The following ZNF563 variants were observed in gnomAD, a reference collection of about 807,000 sequenced individuals.
The protein encoded by ZNF563 is zinc finger protein 563.
In ZNF563, 39 loss-of-function variants were observed where a neutral mutation model predicts 48.5. That is an observed-to-expected ratio of 0.80 (90% CI 0.62 to 1.05). The LOEUF (loss-of-function observed/expected upper bound fraction) is 1.05, where lower values mean the gene tolerates loss of function less well. Ranked by LOEUF, ZNF563 falls within the 50% of genes least tolerant of loss-of-function variation. ZNF563 has a pLI of 0.00. For missense variants in ZNF563, 538 were observed against 597.0 expected (o/e 0.90, Z 1.03); for synonymous variants, 168 against 187.9 (o/e 0.89, Z 0.87).
Position 12,318,773 on chromosome 19 carries a change from C to T in ZNF563, c.1252G>A (p.Glu418Lys). 6.2e-7 allele frequency: 1 copy of T among 1,614,212 alleles called. No individual in the cohort carries two copies. The highest frequency in any genetic ancestry group is 1.3e-5 in the African/African-American group (1 of 75,062). ...CACTGCTTGCATTCATAGGGTTTCT[C>T]TCCACTGTGAGACTTTTCGTGTCTT... ...CQRHEKSHSG[E>K]KPYECKQCGK... The change falls in exon 4 of 4, where the codon GAG becomes AAG. Residue 418 changes from glutamate to lysine, a missense_variant. By Grantham distance (56) the Glu-to-Lys change is moderately conservative. Transcript: ENST00000293725.
In ZNF563 at chr19:12,319,221, A is replaced by G. The variant is rs772844881; in HGVS notation, c.804T>C (p.Tyr268=). ...CAGTGTGAGTTCTTTCATGTCTTATATAGGAACTGGAATCAGGCAAGGCTT... is the reference window on the plus strand; with the variant it reads ...CAGTGTGAGTTCTTTCATGTCTTATGTAGGAACTGGAATCAGGCAAGGCTT... The part of the protein sequence containing the change: ...CSKALPDSSS[Y]IRHERTHTGE... The change falls in exon 4 of 4, where the codon TAT becomes TAC. Residue 268 remains tyrosine (Y), a synonymous_variant. Transcript: ENST00000293725. 6.8e-6 allele frequency: 11 copies of G among 1,613,848 alleles called. No homozygotes were observed. Among genetic ancestry groups the G allele is most frequent in the Non-Finnish European group, 8.5e-6 (10 of 1,179,960 alleles).
At chr19:12,345,602 C>G in the ZNF563 span, among the ~76,000 whole-genome samples, 7,235 of 152,186 alleles carry the variant, frequency 0.048, 565 homozygotes, top group African/African-American at 0.17. Flanking sequence ...AAGACCTATA[C>G]TTAAAAGCTA....
upstream of ZNF563, among the ~76,000 whole-genome samples, chr19:12,338,355 CTTGTGCCTCAG>C (rs375942303): frequency 3.4e-3 from 518 of 152,304 alleles, 1 homozygote; most frequent in African/African-American, 0.011. Context: ...TCAAGTGATT[CTTGTGCCTCAG>C]CCTCCTGAGT....
chr19:12,340,838 A>T, the ZNF563 span, among the ~76,000 whole-genome samples: 1 of 152,186 alleles, frequency 6.6e-6, no homozygotes, highest in Non-Finnish European at 1.5e-5. Context: ...AAAGTGAGAA[A>T]AAAATTAAGA....
chr19:12,339,151 A>G, the ZNF563 span, among the ~76,000 whole-genome samples: 3 of 151,952 alleles, frequency 2.0e-5, no homozygotes, highest in Non-Finnish European at 4.4e-5. Flanking sequence ...AGGACACTTC[A>G]TTCTGGTGAA....
At chr19:12,343,094 G>A in the ZNF563 span, among the ~76,000 whole-genome samples, 6 of 152,026 alleles carry the variant, frequency 3.9e-5, no homozygotes, top group African/African-American at 1.4e-4. Flanking sequence ...CTACTTGAGA[G>A]GCTGAGGCAG....
At chr19:12,342,082 G>T in the ZNF563 span, among the ~76,000 whole-genome samples, 5 of 152,316 alleles carry the variant, frequency 3.3e-5, no homozygotes, top group South Asian at 1.0e-3. Flanking sequence ...CATGACCACA[G>T]TTCACTGCAG....
rs1217000029 is a variant in ZNF563 at position 12,318,579 on chromosome 19, T to C, written c.*15A>G. 1 of 1,603,846 alleles carries C rather than the reference T, an allele frequency of 6.2e-7. No individual in the cohort carries two copies. The highest frequency in any genetic ancestry group is 1.3e-5 in the African/African-American group (1 of 74,498). On this transcript the variant is annotated 3_prime_UTR_variant, in exon 4 of 4. Transcript: ENST00000293725. ...AGGGAACTGGAAATATAGAAGGCTT[T>C]ATAATAGTTTACATTCATATTGTTT...
chr19:12,320,400 T>C (rs1016290580), intron 3 of ZNF563, among the ~76,000 whole-genome samples: 1 of 152,064 alleles, frequency 6.6e-6, no homozygotes, highest in Admixed American at 6.6e-5. Flanking sequence ...TGGAGTGCAG[T>C]AGCAGAACGA....
intron 1 of ZNF563, among the ~76,000 whole-genome samples, chr19:12,330,638 C>T (rs1968897955): frequency 6.6e-6 from 1 of 152,100 alleles, no homozygotes; most frequent in Non-Finnish European, 1.5e-5. Flanking sequence ...GCAGGTATTG[C>T]CAGGCAGCGA....
chr19:12,328,663 A>G lies in ZNF563; in HGVS notation c.3+4817T>C, dbSNP rs539895989. On this transcript the variant is annotated intron_variant, in intron 1 of 3. Transcript: ENST00000293725. ...CACATGCCTGTAATCTCAGCTACTC[A>G]GGAGGCTGAGGCAGGAGATCACTTG... Among the ~76,000 whole-genome samples, 10 of 152,184 alleles carry G rather than the reference A, an allele frequency of 6.6e-5. No individual in the cohort carries two copies. In the East Asian group the frequency reaches 1.9e-3, roughly 29 times the overall value.
At chr19:12,337,234 G>A (rs966735729), upstream of ZNF563, among the ~76,000 whole-genome samples, 5 of 151,696 alleles carry the variant, frequency 3.3e-5, no homozygotes, top group African/African-American at 7.3e-5. Flanking sequence ...ACGAGCTCTC[G>A]CTCCATCACC....
Position 12,319,611 on chromosome 19 carries a change from C to A in ZNF563, c.414G>T (p.Glu138Asp). The change falls in exon 4 of 4, where the codon GAG becomes GAT. Residue 138 changes from glutamate to aspartate, a missense_variant. Transcript: ENST00000293725. ...CACGTTGTTTATGTGTATGTGGCTT[C>A]TCTCCATATTCCTGATACTCATGTG... ...HKPHEYQEYG[E>D]KPHTHKQRGK... is the part of the protein sequence containing the mutation. 1 of 1,614,210 alleles carries A rather than the reference C, an allele frequency of 6.2e-7. No homozygotes were observed. The highest frequency in any genetic ancestry group is 8.5e-7 in the Non-Finnish European group (1 of 1,180,032).
At chr19:12,335,040 A>G (rs1311261031), upstream of ZNF563, among the ~76,000 whole-genome samples, 1 of 152,134 alleles carries the variant, frequency 6.6e-6, no homozygotes, top group Non-Finnish European at 1.5e-5. Flanking sequence ...GGAAGCACCA[A>G]AGGGGGCTCC....
chr19:12,333,819 G>C (rs934203425), upstream of ZNF563: 3 of 364,044 alleles, frequency 8.2e-6, no homozygotes, highest in Non-Finnish European at 1.5e-5. Flanking sequence ...GTGCTGAGTC[G>C]AGCGGGATGA....
intron 1 of ZNF563, among the ~76,000 whole-genome samples, chr19:12,326,932 T>C (rs1001764033): frequency 1.5e-4 from 23 of 152,194 alleles, no homozygotes; most frequent in African/African-American, 5.1e-4. Context: ...TAGGTCACAA[T>C]TGTGCAAATG....
chr19:12,345,857 G>A, the ZNF563 span: 1 of 152,026 alleles, frequency 6.6e-6, no homozygotes, highest in Non-Finnish European at 1.5e-5. Flanking sequence ...GGTGGAGGTT[G>A]CAGTAAGTCA....
At position 12,333,469 on chromosome 19, in the gene ZNF563, T is replaced by A. The variant is rs761591350; in HGVS notation, c.3+11A>T. ...TTCCCACTTTTGGGACGCCTGACCCTGCACACGCACCATTTCCCGGCTTCC... is the reference window on the plus strand; with the variant it reads ...TTCCCACTTTTGGGACGCCTGACCCAGCACACGCACCATTTCCCGGCTTCC... On this transcript the variant is annotated intron_variant, in intron 1 of 3. Transcript: ENST00000293725. 2.0e-5 allele frequency: 33 copies of A among 1,613,278 alleles called. 1 individual carries two copies. The South Asian group carries it at 3.4e-4, about 17-fold the overall frequency.
chr19:12,340,352 A>AT, the ZNF563 span, among the ~76,000 whole-genome samples: 1 of 152,262 alleles, frequency 6.6e-6, no homozygotes, highest in South Asian at 2.1e-4. Context: ...AAAAAGAAGA[A>AT]GAAAAGATAA....
Sources: gnomAD v4.1 joint callset for allele counts (sites outside exome capture counted in the v4.1 genomes callset) on GRCh38, gnomAD v4.1.1 for gene constraint, MANE v1.5 for transcripts, NCBI Gene and HGNC (gene_info 2026-07-23, HGNC 2026-07-21) for gene names.